The following KIF21B variants were observed in gnomAD, a reference collection of about 807,000 sequenced individuals.
KIF21B encodes kinesin-like protein KIF21B.
In KIF21B, 85 loss-of-function variants were observed where a neutral mutation model predicts 192.9. That is an observed-to-expected ratio of 0.44 (90% CI 0.37 to 0.53). The LOEUF (loss-of-function observed/expected upper bound fraction) is 0.53, where lower values mean the gene tolerates loss of function less well. Ranked by LOEUF, KIF21B falls within the 20% of genes least tolerant of loss-of-function variation. The probability of loss-of-function intolerance (pLI) is 0.00; values close to 1 mark genes in which losing one functional copy is unlikely to be tolerated. For synonymous variants in KIF21B, 832 were observed against 884.6 expected (o/e 0.94, Z 1.05); for missense variants, 1,716 against 2,194.8 (o/e 0.78, Z 4.36).
At chr1:201,016,280 A>G (rs1052226648) in intron 1 of KIF21B, among the ~76,000 whole-genome samples, 6 of 152,218 alleles carry the variant, frequency 3.9e-5, no homozygotes, top group Non-Finnish European at 8.8e-5. Flanking sequence ...GATCCTACGG[A>G]CAGCTGCCAG....
chr1:201,003,561 G>A (rs748078454), intron 8 of KIF21B, 25 bp downstream of exon 8: 1 of 1,611,502 alleles, frequency 6.2e-7, no homozygotes, highest in African/African-American at 1.3e-5. Flanking sequence ...GGGGAGTGCT[G>A]GGCAATGCCC....
Position 201,005,029 on chromosome 1 carries a change from G to A in KIF21B, c.733-96C>T. 5 of 1,386,636 alleles carry A rather than the reference G, an allele frequency of 3.6e-6. No individual in the cohort carries two copies. The South Asian group carries it at 5.3e-5, about 15-fold the overall frequency. The allele number at this position is 1,386,636 out of a possible 1,614,324, so 85.9% of individuals were successfully genotyped here. ...CCATCCGGGAGAGGCACGGTGGACG[G>A]CCAAGCGCCTTGCCCTTCGCACATG... is the stretch of plus-strand genomic sequence containing the variant. On this transcript the variant is annotated intron_variant, in intron 5 of 34. Transcript: ENST00000461742.
At position 200,990,120 on chromosome 1, in the gene KIF21B, GC is replaced by G; in HGVS notation, c.3030+17del. ...ATCTCTCCCGCCTCCGCCCCAGCAG[GC>G]CCAGCCCTGCGGATACCTTGGTCTC... On this transcript the variant is annotated intron_variant, in intron 20 of 34. Transcript: ENST00000461742. The surrounding 1 kb of genome is among the most constrained non-coding windows in gnomAD (Gnocchi z 5.4). 1 of 1,611,352 alleles carries G rather than the reference GC, an allele frequency of 6.2e-7. No homozygotes were observed. The highest frequency in any genetic ancestry group is 8.5e-7 in the Non-Finnish European group (1 of 1,178,012).
Position 201,000,455 on chromosome 1 carries a change from C to A in KIF21B, c.1620G>T (p.Val540=). 1 of 1,582,794 alleles carries A rather than the reference C, an allele frequency of 6.3e-7. No homozygotes were observed. Among genetic ancestry groups the A allele is most frequent in the Non-Finnish European group, 8.6e-7 (1 of 1,166,586 alleles). Residue 540 remains valine, a synonymous_variant, in exon 11 of 35, where the codon GTG becomes GTT. Coordinates refer to ENST00000461742, the MANE Select transcript of KIF21B (RefSeq NM_001252102.2). The surrounding 1 kb of genome is among the most constrained non-coding windows in gnomAD (Gnocchi z 6.0). The stretch of plus-strand genomic sequence containing the variant: ...CCAGGTCCTGCTTGGCCCTGCGGAT[C>A]ACCTCCGAGGCATCCTCCATGGAGC... The part of the protein sequence containing the change: ...PASSMEDASE[V]IRRAKQDLER...
Position 201,000,034 on chromosome 1 carries a change from G to A in KIF21B, c.1686-70C>T. 1.2e-5 allele frequency: 16 copies of A among 1,385,068 alleles called. No individual in the cohort carries two copies. The highest frequency in any genetic ancestry group is 6.9e-5 in the South Asian group (6 of 86,558). 85.8% of individuals were successfully genotyped at this position (1,385,068 alleles called of 1,614,324 possible). ...GCCCTGAGCACATGGGCAGGACGGC[G>A]GCAGCGGCAGAAAAGGAAGGCTCTC... On this transcript the variant is annotated intron_variant, in intron 11 of 34. Coordinates refer to ENST00000461742, the MANE Select transcript of KIF21B (RefSeq NM_001252102.2). This position sits in a 1 kb window ranked among gnomAD's most constrained non-coding sequence, Gnocchi z 6.0.
Position 200,975,374 on chromosome 1 carries a change from G to T in KIF21B, c.4614+125C>A. On this transcript the variant is annotated intron_variant, in intron 33 of 34. Coordinates refer to ENST00000461742, the MANE Select transcript of KIF21B (RefSeq NM_001252102.2). The surrounding 1 kb of genome is among the most constrained non-coding windows in gnomAD (Gnocchi z 4.3). ...AGGAAGAGGGAGAACAGGAGGGCTT[G>T]GGGAGCTGTGAAAACCATCTGGCCT... The T allele has an allele frequency of 1.3e-6, 1 of 791,564 alleles. No homozygotes were observed. Among genetic ancestry groups the T allele is most frequent in the Non-Finnish European group, 2.1e-6 (1 of 486,868 alleles). 49.0% of individuals were successfully genotyped at this position (791,564 alleles called of 1,614,324 possible).
Position 201,012,103 on chromosome 1 carries a change from G to A in KIF21B, c.42-2615C>T, listed in dbSNP as rs148066869. Among the ~76,000 whole-genome samples, 5 of 152,342 alleles carry A rather than the reference G, an allele frequency of 3.3e-5. No individual in the cohort carries two copies. The East Asian group carries it at 9.7e-4, about 29-fold the overall frequency. ...TTAGGGTCCAGGAGTTGCGTGGTCA[G>A]TTGGGCATTCACCCTGGGGCCCTTT... On this transcript the variant is annotated intron_variant, in intron 1 of 34. Transcript: ENST00000461742.
At chr1:201,001,972 G>C in intron 9 of KIF21B, 189 bp downstream of exon 9, 1 of 600,224 alleles carries the variant, frequency 1.7e-6, no homozygotes, top group South Asian at 2.0e-5. Context: ...TGTTGAACAA[G>C]AAGGATGTGT....
intron 15 of KIF21B, among the ~76,000 whole-genome samples, chr1:200,992,911 G>C (rs986461485): frequency 3.3e-5 from 5 of 152,226 alleles, no homozygotes; most frequent in Non-Finnish European, 7.3e-5. Context: ...TCATGAGAGA[G>C]GCATTATCGT....
chr1:200,990,604 A>G lies in KIF21B; in HGVS notation c.2807T>C (p.Leu936Pro). 6.2e-7 allele frequency: 1 copy of G among 1,614,134 alleles called. No homozygotes were observed. Among genetic ancestry groups the G allele is most frequent in the East Asian group, 2.2e-5 (1 of 44,888 alleles). ...GATGAGCCGCTCCATGTCAGCCTCC[A>G]GGTTGACAATGGTCATTCTCTGCAT... is the stretch of plus-strand genomic sequence containing the variant. ...IVMQRMTIVN[L>P]EADMERLIKK... is the part of the protein sequence containing the mutation. Residue 936 changes from leucine to proline, a missense_variant, in exon 19 of 35, where the codon CTG (leucine) becomes CCG (proline). Around this residue, in one of 3 missense-constraint regions of KIF21B, gnomAD observed 1,087 missense variants for 1,316.6 expected, o/e 0.83. Transcript: ENST00000461742. The surrounding 1 kb of genome is among the most constrained non-coding windows in gnomAD (Gnocchi z 5.4).
Position 200,987,077 on chromosome 1 carries a change from C to A in KIF21B, c.3533G>T (p.Gly1178Val), listed in dbSNP as rs566220899. 13 of 1,614,092 alleles carry A rather than the reference C, an allele frequency of 8.1e-6. No homozygotes were observed. In the South Asian group the frequency reaches 1.2e-4, roughly 15 times the overall value. Reference protein sequence around the residue: ...LASLVEIKEDGVGFSVRDPYY... With the variant: ...LASLVEIKEDVVGFSVRDPYY... ...GGGGTCTCGGACAGAGAAGCCCACT[C>A]CGTCCTCTTTGATCTCAACGAGGGA... Residue 1178 changes from glycine (G) to valine (V), a missense_variant, in exon 25 of 35, where the codon GGA becomes GTA. Physicochemically the swap from Gly to Val is moderately radical, Grantham distance 109 (BLOSUM62 -3). This residue lies in a region of KIF21B where 580 missense variants were observed against 775.5 expected (regional missense o/e 0.75). Coordinates refer to ENST00000461742, the MANE Select transcript of KIF21B (RefSeq NM_001252102.2).
chr1:200,988,653 C>A, intron 22 of KIF21B, 109 bp from the exon 23 acceptor site: 2 of 1,457,208 alleles, frequency 1.4e-6, no homozygotes, highest in Non-Finnish European at 1.9e-6. Flanking sequence ...CAGACCAGGG[C>A]TCCTGGTGGG....
rs761485852 is a variant in KIF21B at position 201,002,216 on chromosome 1, G to A, written c.1347C>T (p.Asn449=). The A allele has an allele frequency of 6.2e-7, 1 of 1,614,220 alleles. No homozygotes were observed. Among genetic ancestry groups the A allele is most frequent in the Non-Finnish European group, 8.5e-7 (1 of 1,180,036 alleles). The change falls in exon 9 of 35, where the codon AAC becomes AAT. Residue 449 remains asparagine, a synonymous_variant. Coordinates refer to ENST00000461742, the MANE Select transcript of KIF21B (RefSeq NM_001252102.2). ...GGCTCATGAGCTGGGTGACGCGGTT[G>A]TTGATGGCATCGATGGCCTCCTGCA... ...KAMQEAIDAI[N]NRVTQLMSQE... is the part of the protein sequence containing the mutation.
At chr1:200,984,575 G>C (rs563446503) in intron 27 of KIF21B, among the ~76,000 whole-genome samples, 1 of 152,316 alleles carries the variant, frequency 6.6e-6, no homozygotes, top group Non-Finnish European at 1.5e-5. Flanking sequence ...TCAGGCACCG[G>C]CCCCATGCGA....
intron 34 of KIF21B, chr1:200,974,289 C>G: frequency 7.1e-7 from 1 of 1,406,274 alleles, no homozygotes; most frequent in Non-Finnish European, 9.6e-7. Flanking sequence ...AGAAAGAAAG[C>G]CATCTGAGTC....
chr1:200,990,270 A>G lies in KIF21B; in HGVS notation c.2898T>C (p.Ala966=). The G allele has an allele frequency of 6.2e-7, 1 of 1,613,262 alleles. No homozygotes were observed. Residue 966 remains alanine (A), a synonymous_variant, in exon 20 of 35, where the codon GCT becomes GCC. Transcript: ENST00000461742. This position sits in a 1 kb window ranked among gnomAD's most constrained non-coding sequence, Gnocchi z 5.4. The stretch of plus-strand genomic sequence containing the variant: ...GCCCCTTCTCTTCCTCGGGGCTCTC[A>G]GCCTGCAGCCGCTCCCGCTTCCTCC... ...ALRRKRERLQ[A]ESPEEEKGLQ...
rs946825545 is a variant in KIF21B at position 200,999,607 on chromosome 1, C to G, written c.1768-141G>C. The G allele has an allele frequency of 5.0e-5, 72 of 1,453,208 alleles. No homozygotes were observed. Among genetic ancestry groups the G allele is most frequent in the Non-Finnish European group, 6.7e-5 (72 of 1,081,612 alleles). The allele number at this position is 1,453,208 out of a possible 1,614,324, so 90.0% of individuals were successfully genotyped here. Reference sequence around the variant, plus strand: ...CACAGCTGAGCCCCCCTGCCCACCCCCTACTCCTGGAAGAGTGCCGCCTCC... The same window carrying G: ...CACAGCTGAGCCCCCCTGCCCACCCGCTACTCCTGGAAGAGTGCCGCCTCC... On this transcript the variant is annotated intron_variant, in intron 12 of 34. Transcript: ENST00000461742. The surrounding 1 kb of genome is among the most constrained non-coding windows in gnomAD (Gnocchi z 4.7).
intron 34 of KIF21B, 152 bp downstream of exon 34, chr1:200,974,562 C>T: frequency 3.8e-6 from 3 of 780,390 alleles, no homozygotes; most frequent in Non-Finnish European, 6.2e-6. Flanking sequence ...AAGGCTGGCA[C>T]AGGCTAGGTA....
chr1:201,023,087 T>G lies in KIF21B; in HGVS notation c.41+256A>C, dbSNP rs1283166984. Among the ~76,000 whole-genome samples, 3 of 152,244 alleles carry G rather than the reference T, an allele frequency of 2.0e-5. No individual in the cohort carries two copies. Among genetic ancestry groups the G allele is most frequent in the Admixed American group, 6.5e-5 (1 of 15,292 alleles). On this transcript the variant is annotated intron_variant, in intron 1 of 34. Coordinates refer to ENST00000461742, the MANE Select transcript of KIF21B (RefSeq NM_001252102.2). This position sits in a 1 kb window ranked among gnomAD's most constrained non-coding sequence, Gnocchi z 5.9. ...ACCGGATTTCCTTGTTTATTCGATT[T>G]TCTGATCATTAAGGGCTCCCAAGAG...
Sources: gnomAD v4.1 joint callset for allele counts (sites outside exome capture counted in the v4.1 genomes callset) on GRCh38, gnomAD v4.1.1 for gene constraint, gnomAD v4.1.1 regional missense constraint, Gnocchi (gnomAD v3.1) non-coding constraint, MANE v1.5 for transcripts, NCBI Gene and HGNC (gene_info 2026-07-23, HGNC 2026-07-21) for gene names.